The following ZNF490 variants were observed in gnomAD, a reference collection of about 807,000 sequenced individuals.
ZNF490 encodes the protein zinc finger protein 490.
In ZNF490, 11 loss-of-function variants were observed where a neutral mutation model predicts 17.7. The observed-to-expected ratio is 0.62, with a 90% confidence interval of 0.39 to 1.03. The LOEUF (loss-of-function observed/expected upper bound fraction) is 1.03. ZNF490 is among the 50% of genes least tolerant of loss of function. ZNF490 has a pLI of 0.00. For missense variants in ZNF490, 542 were observed against 643.4 expected, an observed-to-expected ratio of 0.84 and a Z score of 1.71; for synonymous variants, 222 against 216.1, an observed-to-expected ratio of 1.03 and a Z score of -0.24.
chr19:12,605,965 C>A (rs991975194), intron 2 of ZNF490, among the ~76,000 whole-genome samples: 5 of 151,898 alleles, frequency 3.3e-5, no homozygotes, highest in Non-Finnish European at 7.4e-5. Flanking sequence ...ACCGCAACCT[C>A]CACCTCCCGG....
intron 2 of ZNF490, among the ~76,000 whole-genome samples, chr19:12,603,332 C>T (rs2023029059): frequency 1.3e-5 from 2 of 151,840 alleles, no homozygotes; most frequent in African/African-American, 2.4e-5. Flanking sequence ...ACAAAAAATA[C>T]AAAAATTGGC....
chr19:12,589,568 C>CTT (rs66811210), intron 2 of ZNF490, among the ~76,000 whole-genome samples: 9 of 125,694 alleles, frequency 7.2e-5, no homozygotes, highest in South Asian at 2.5e-4. Context: ...TCTTCTTCTT[C>CTT]TTTTTTTTTT....
rs1599306518 is a variant in ZNF490, at chr19:12,584,372, G to C, written c.163-816C>G. Among the ~76,000 whole-genome samples the C allele has an allele frequency of 4.5e-5, 4 of 89,588 alleles. 2 individuals are homozygous for C. The highest frequency in any genetic ancestry group is 1.2e-4 in the Non-Finnish European group (4 of 33,740). 58.8% of individuals were successfully genotyped at this position (89,588 alleles called of 152,430 possible). A position where few individuals can be genotyped will look rare whatever the true frequency, so the allele number is the denominator to read the frequency against. On this transcript the variant is annotated intron_variant, in intron 2 of 4. Coordinates refer to ENST00000311437, the MANE Select transcript of ZNF490 (RefSeq NM_020714.3). ...GGGGTTTCACCATGTTAGCCAGGAT[G>C]GTCTTGATCTCCTGACCTCGTGAAT...
At chr19:12,606,597 A>G (rs1263642709) in intron 2 of ZNF490, among the ~76,000 whole-genome samples, 4 of 151,702 alleles carry the variant, frequency 2.6e-5, no homozygotes, top group African/African-American at 9.7e-5. Flanking sequence ...TACCCACCTC[A>G]GCCTCCCAAA....
chr19:12,601,248 C>T (rs1162449037), intron 2 of ZNF490, among the ~76,000 whole-genome samples: 3 of 150,602 alleles, frequency 2.0e-5, no homozygotes, highest in African/African-American at 4.9e-5. Context: ...ATTAGCCAGG[C>T]GTGGTGGCGG....
Position 12,609,023 on chromosome 19 carries a change from T to TA in ZNF490, c.162+134dup, listed in dbSNP as rs2023107367. 5.5e-6 allele frequency: 4 copies of TA among 727,492 alleles called. No homozygotes were observed. The South Asian group carries it at 6.7e-5, about 12-fold the overall frequency. The allele number at this position is 727,492 out of a possible 1,614,324, so 45.1% of individuals were successfully genotyped here. A position where few individuals can be genotyped will look rare whatever the true frequency, so the allele number is the denominator to read the frequency against. ...AACAGGACATACCTGAGAGCCTGGT[T>TA]ATTGGCCTTGACTATGGGAGTGCCT... is the stretch of plus-strand genomic sequence containing the variant. On this transcript the variant is annotated intron_variant, in intron 2 of 4. Transcript: ENST00000311437.
rs781656826 is a variant in ZNF490, at chr19:12,581,230, T to C, written c.845A>G (p.Gln282Arg). The change falls in exon 5 of 5, where the codon CAG becomes CGG. Residue 282 changes from glutamine (Q) to arginine (R), a missense_variant. Gln to Arg is a conservative substitution (Grantham distance 43). Coordinates refer to ENST00000311437, the MANE Select transcript of ZNF490 (RefSeq NM_020714.3). ...HTGEKPYKCKQCGKAFIYYQP... is the reference protein window; with the variant it reads ...HTGEKPYKCKRCGKAFIYYQP... The stretch of plus-strand genomic sequence containing the variant: ...GTAATATATAAAGGCTTTTCCACAC[T>C]GTTTACATTTGTAGGGTTTCTCTCC... The C allele has an allele frequency of 1.1e-5, 18 of 1,613,984 alleles. No homozygotes were observed. In the Admixed American group the frequency reaches 3.0e-4, roughly 27 times the overall value.
intron 2 of ZNF490, among the ~76,000 whole-genome samples, chr19:12,593,442 G>A (rs1034850581): frequency 6.6e-6 from 1 of 152,100 alleles, no homozygotes; most frequent in African/African-American, 2.4e-5. Context: ...TAGAGACGGG[G>A]TTTCTCCATG....
At chr19:12,605,633 C>T (rs1479072883) in intron 2 of ZNF490, among the ~76,000 whole-genome samples, 2 of 152,156 alleles carry the variant, frequency 1.3e-5, no homozygotes, top group Non-Finnish European at 2.9e-5. Context: ...GCATAGGTCA[C>T]ATCCTGGGAC....
rs1230060937 is a variant in ZNF490, at chr19:12,580,290, C to A, written c.*195G>T. ...TGGAGTCCATTCACATATCTGCAAT[C>A]CCGCAGGAGAGTGCAAGTTCCTCCC... is the stretch of plus-strand genomic sequence containing the variant. On this transcript the variant is annotated 3_prime_UTR_variant, in exon 5 of 5. Coordinates refer to ENST00000311437, the MANE Select transcript of ZNF490 (RefSeq NM_020714.3). 7.3e-7 allele frequency: 1 copy of A among 1,362,216 alleles called. No individual in the cohort carries two copies. The highest frequency in any genetic ancestry group is 9.4e-7 in the Non-Finnish European group (1 of 1,060,376). 84.4% of individuals were successfully genotyped at this position (1,362,216 alleles called of 1,614,324 possible).
chr19:12,597,911 A>C (rs970239443), intron 2 of ZNF490, among the ~76,000 whole-genome samples: 8 of 152,116 alleles, frequency 5.3e-5, no homozygotes, highest in African/African-American at 1.9e-4. Flanking sequence ...CCTCTACAAA[A>C]TTAAAAATTA....
At chr19:12,596,474 G>A (rs1331589934) in intron 2 of ZNF490, among the ~76,000 whole-genome samples, 3 of 152,034 alleles carry the variant, frequency 2.0e-5, no homozygotes, top group Admixed American at 6.6e-5. Flanking sequence ...AAAGCCAGGC[G>A]TTCAAGACTA....
At chr19:12,593,669 C>A (rs1179398022) in intron 2 of ZNF490, among the ~76,000 whole-genome samples, 1 of 152,174 alleles carries the variant, frequency 6.6e-6, no homozygotes, top group African/African-American at 2.4e-5. Flanking sequence ...AACTGATGAA[C>A]TGCCCCTTGA....
rs761433048 is a variant in ZNF490, at chr19:12,581,308, C to T, written c.767G>A (p.Gly256Glu). Residue 256 changes from glycine (G) to glutamate (E), a missense_variant, in exon 5 of 5, where the codon GGG (glycine) becomes GAG (glutamate). Gly to Glu is a moderately conservative substitution (Grantham distance 98). Transcript: ENST00000311437. ...AGCAGTGAGATATCTGAATGCCTTCCCACATTCCTTACATTCATAGGGTGT... is the reference window on the plus strand; with the variant it reads ...AGCAGTGAGATATCTGAATGCCTTCTCACATTCCTTACATTCATAGGGTGT... ...GETPYECKEC[G>E]KAFRYLTALR... is the part of the protein sequence containing the mutation. 1 of 1,614,100 alleles carries T rather than the reference C, an allele frequency of 6.2e-7. No homozygotes were observed. Among genetic ancestry groups the T allele is most frequent in the Non-Finnish European group, 8.5e-7 (1 of 1,180,014 alleles).
At chr19:12,595,398 C>T (rs566119413) in intron 2 of ZNF490, among the ~76,000 whole-genome samples, 114 of 152,152 alleles carry the variant, frequency 7.5e-4, no homozygotes, top group Middle Eastern at 3.4e-3. Flanking sequence ...CAGGTGTGGG[C>T]CACCATGTCC....
At chr19:12,594,006 C>T (rs2022902910) in intron 2 of ZNF490, among the ~76,000 whole-genome samples, 1 of 152,190 alleles carries the variant, frequency 6.6e-6, no homozygotes, top group African/African-American at 2.4e-5. Flanking sequence ...GTCACATGCC[C>T]AGGGCCCAGG....
intron 2 of ZNF490, among the ~76,000 whole-genome samples, chr19:12,598,164 C>A (rs891092187): frequency 4.0e-5 from 6 of 151,196 alleles, no homozygotes; most frequent in African/African-American, 1.5e-4. Flanking sequence ...GCGGAGGTTG[C>A]AGTGAGCCAA....
Position 12,577,413 on chromosome 19 carries a change from T to C in ZNF490, c.*3072A>G. On this transcript the variant is annotated 3_prime_UTR_variant, in exon 5 of 5. Transcript: ENST00000311437. ...TTCCTGACCTCCCACAGTACAATAA[T>C]CATCTCTCTACAAAAGCACAACATG... 1 of 984,100 alleles carries C rather than the reference T, an allele frequency of 1.0e-6. No homozygotes were observed. Among genetic ancestry groups the C allele is most frequent in the Non-Finnish European group, 1.2e-6 (1 of 828,738 alleles). 61.0% of individuals were successfully genotyped at this position (984,100 alleles called of 1,614,324 possible).
chr19:12,598,714 C>T (rs1039710554), intron 2 of ZNF490, among the ~76,000 whole-genome samples: 3 of 150,286 alleles, frequency 2.0e-5, no homozygotes, highest in South Asian at 2.2e-4. Flanking sequence ...TTCTGCCGGG[C>T]GCGGTGGCTC....
Sources: gnomAD v4.1 joint callset for allele counts (sites outside exome capture counted in the v4.1 genomes callset) on GRCh38, gnomAD v4.1.1 for gene constraint, MANE v1.5 for transcripts, NCBI Gene and HGNC (gene_info 2026-07-23, HGNC 2026-07-21) for gene names.